The following SLC27A6 variants were observed in gnomAD, a reference collection of about 807,000 sequenced individuals.
The protein encoded by SLC27A6 is long-chain fatty acid transport protein 6.
Under a neutral mutation model 63.9 loss-of-function variants are expected in SLC27A6, and 74 were observed. That is an observed-to-expected ratio of 1.16 (90% confidence interval 0.96 to 1.40). The LOEUF is 1.40. SLC27A6 is among the 40% of genes most tolerant of loss of function. SLC27A6 has a pLI of 0.00. For missense variants in SLC27A6, 794 were observed against 732.9 expected (o/e 1.08, Z -0.96); for synonymous variants, 287 against 260.8 (o/e 1.10, Z -0.97).
At chr5:128,967,445 G>A (rs2577547) in intron 1 of SLC27A6, among the ~76,000 whole-genome samples, 36,739 of 152,012 alleles carry the variant, frequency 0.24, 4,995 homozygotes, top group Middle Eastern at 0.33. Flanking sequence ...AGGAAGGTGC[G>A]GAAAGAGGAA....
chr5:129,030,969 C>G (rs1036605484), intron 9 of SLC27A6, among the ~76,000 whole-genome samples: 1 of 151,952 alleles, frequency 6.6e-6, no homozygotes, highest in Non-Finnish European at 1.5e-5. Context: ...TCTTGTCCCT[C>G]CTCATCCTCA....
intron 4 of SLC27A6, among the ~76,000 whole-genome samples, chr5:129,014,617 C>CT (rs770917474): frequency 9.8e-5 from 15 of 152,290 alleles, no homozygotes; most frequent in Admixed American, 2.6e-4. Context: ...AAACTGGTGT[C>CT]TGTCTGGCTA....
chr5:129,022,723 G>C (rs1752116112), intron 5 of SLC27A6, among the ~76,000 whole-genome samples: 2 of 152,248 alleles, frequency 1.3e-5, no homozygotes, highest in Middle Eastern at 3.4e-3. Flanking sequence ...TGCATGGAGG[G>C]ATAAGGTGGT....
chr5:128,971,866 T>G (rs1193892667), intron 1 of SLC27A6, among the ~76,000 whole-genome samples: 1 of 152,218 alleles, frequency 6.6e-6, no homozygotes, highest in Non-Finnish European at 1.5e-5. Context: ...GTCGATGGTC[T>G]TTACAATTTG....
At chr5:129,018,335 AT>A (rs1244839318) in intron 5 of SLC27A6, among the ~76,000 whole-genome samples, 15 of 152,040 alleles carry the variant, frequency 9.9e-5, no homozygotes, top group African/African-American at 3.4e-4. Flanking sequence ...ATCCATGGTG[AT>A]TTTTTTCAGT....
At chr5:128,970,300 T>C (rs981704363) in intron 1 of SLC27A6, among the ~76,000 whole-genome samples, 19 of 152,208 alleles carry the variant, frequency 1.2e-4, no homozygotes, top group Non-Finnish European at 2.4e-4. Flanking sequence ...GATTCCCTCT[T>C]TTTCTATTGA....
chr5:128,975,074 G>A lies in SLC27A6; in HGVS notation c.481+8456G>A, dbSNP rs144502336. Among the ~76,000 whole-genome samples the A allele has an allele frequency of 3.9e-3, 593 of 152,336 alleles. 8 individuals are homozygous for A. Among genetic ancestry groups the A allele is most frequent in the African/African-American group, 0.014 (573 of 41,580 alleles). On this transcript the variant is annotated intron_variant, in intron 1 of 9. Coordinates refer to ENST00000262462, the MANE Select transcript of SLC27A6 (RefSeq NM_001017372.3). ...TCTTAGAAATGTGTTAGACGGGCCA[G>A]GCGTGGTGGCTCACGCCTGTAATCC...
chr5:129,004,328 C>A (rs760473811), intron 4 of SLC27A6, among the ~76,000 whole-genome samples: 1 of 152,132 alleles, frequency 6.6e-6, no homozygotes, highest in Non-Finnish European at 1.5e-5. Context: ...TCTCCCCTTG[C>A]TCCCTAGCTC....
chr5:128,972,798 T>A (rs1033584515), intron 1 of SLC27A6, among the ~76,000 whole-genome samples: 2 of 152,216 alleles, frequency 1.3e-5, no homozygotes, highest in Non-Finnish European at 2.9e-5. Flanking sequence ...CTCCATCCAG[T>A]TTTGTTCCAT....
chr5:129,029,734 C>T (rs752571777), intron 9 of SLC27A6, 27 bp downstream of exon 9: 2 of 1,576,418 alleles, frequency 1.3e-6, no homozygotes, highest in South Asian at 2.3e-5. Flanking sequence ...AGTTTACTAT[C>T]AAATATAAGA....
intron 1 of SLC27A6, among the ~76,000 whole-genome samples, chr5:128,984,182 T>A (rs953055754): frequency 6.6e-6 from 1 of 152,206 alleles, no homozygotes; most frequent in African/African-American, 2.4e-5. Context: ...TAAATAATTG[T>A]ATGCCTGTCT....
At chr5:129,025,840 G>A (rs1270959987) in intron 6 of SLC27A6, among the ~76,000 whole-genome samples, 2 of 152,086 alleles carry the variant, frequency 1.3e-5, no homozygotes, top group African/African-American at 2.4e-5. Flanking sequence ...AATGGGAGTC[G>A]AGTAAAGACT....
At chr5:129,020,355 G>T (rs1002587567) in intron 5 of SLC27A6, among the ~76,000 whole-genome samples, 2 of 152,092 alleles carry the variant, frequency 1.3e-5, no homozygotes, top group African/African-American at 4.8e-5. Flanking sequence ...AGAAATGAAA[G>T]AATCACCTTC....
At chr5:128,990,726 T>C (rs916834933) in intron 4 of SLC27A6, among the ~76,000 whole-genome samples, 2 of 152,150 alleles carry the variant, frequency 1.3e-5, no homozygotes, top group Admixed American at 6.5e-5. Flanking sequence ...GTGAGTGTTA[T>C]AGCTCTATTA....
chr5:128,969,063 C>T (rs1750031136), intron 1 of SLC27A6, among the ~76,000 whole-genome samples: 1 of 152,146 alleles, frequency 6.6e-6, no homozygotes. Flanking sequence ...TGTCAAAGAT[C>T]AGATGGCTGT....
At chr5:128,983,229 A>G (rs1244627548) in intron 1 of SLC27A6, among the ~76,000 whole-genome samples, 1 of 151,044 alleles carries the variant, frequency 6.6e-6, no homozygotes, top group African/African-American at 2.4e-5. Context: ...GAAAAAATAT[A>G]ATTGCTTTAG....
intron 2 of SLC27A6, among the ~76,000 whole-genome samples, chr5:128,987,308 A>G (rs1273668666): frequency 6.6e-6 from 1 of 152,198 alleles, no homozygotes; most frequent in Non-Finnish European, 1.5e-5. Flanking sequence ...CCCCAACAGA[A>G]TGTCCTGGAC....
intron 1 of SLC27A6, among the ~76,000 whole-genome samples, chr5:128,975,503 AC>A (rs34834747): frequency 0.24 from 36,668 of 152,158 alleles, 4,961 homozygotes; most frequent in Middle Eastern, 0.33. Context: ...ACAAACTTGT[AC>A]CAGGATATTA....
At chr5:128,986,560 A>G (rs1052874393) in intron 2 of SLC27A6, among the ~76,000 whole-genome samples, 1 of 152,162 alleles carries the variant, frequency 6.6e-6, no homozygotes, top group African/African-American at 2.4e-5. Flanking sequence ...TCCCTTTTAG[A>G]CTGGAGAATA....
Sources: gnomAD v4.1 joint callset for allele counts (sites outside exome capture counted in the v4.1 genomes callset) on GRCh38, gnomAD v4.1.1 for gene constraint, MANE v1.5 for transcripts, NCBI Gene and HGNC (gene_info 2026-07-23, HGNC 2026-07-21) for gene names.